Variants in SUGCT observed in about 807,000 individuals in gnomAD.
SUGCT encodes the protein succinyl-CoA:glutarate-CoA transferase.
Under a neutral mutation model 55.0 loss-of-function variants are expected in SUGCT, and 41 were observed. That is an observed-to-expected ratio of 0.74 (90% CI 0.58 to 0.97). The LOEUF is 0.97. Among genes scored for constraint, SUGCT ranks in the 50% least tolerant of loss-of-function variants. SUGCT has a pLI of 0.00. For synonymous variants in SUGCT, 187 were observed against 200.4 expected, an observed-to-expected ratio of 0.93 and a Z score of 0.56; for missense variants, 568 against 547.8, an observed-to-expected ratio of 1.04 and a Z score of -0.37.
chr7:40,267,041 A>AAAC (rs1203922320), intron 7 of SUGCT, among the ~76,000 whole-genome samples: 40 of 79,950 alleles, frequency 5.0e-4, no homozygotes, highest in East Asian at 1.5e-3. Flanking sequence ...AACAAACAAA[A>AAAC]AAAAAAAAGG....
At chr7:40,437,448 T>G (rs1055923424) in intron 9 of SUGCT, among the ~76,000 whole-genome samples, 1 of 152,232 alleles carries the variant, frequency 6.6e-6, no homozygotes, top group Non-Finnish European at 1.5e-5. Flanking sequence ...GGCTTATATT[T>G]AGCAATGAGC....
chr7:40,239,004 A>G (rs1047485171), intron 7 of SUGCT, among the ~76,000 whole-genome samples: 5 of 152,118 alleles, frequency 3.3e-5, no homozygotes, highest in African/African-American at 7.2e-5. Flanking sequence ...TATTTTTAGT[A>G]GAGACATGGT....
At chr7:40,493,213 T>C (rs1026321478) in intron 11 of SUGCT, among the ~76,000 whole-genome samples, 34 of 152,338 alleles carry the variant, frequency 2.2e-4, no homozygotes, top group African/African-American at 8.2e-4. Context: ...GCTGAATGAA[T>C]TTGAGCAAGT....
chr7:40,451,127 A>G (rs1210264453), intron 10 of SUGCT, among the ~76,000 whole-genome samples: 1 of 152,126 alleles, frequency 6.6e-6, no homozygotes, highest in African/African-American at 2.4e-5. Flanking sequence ...CTGTGAAGTC[A>G]TTTGCGTACT....
At chr7:40,661,432 A>C (rs1478005402) in intron 12 of SUGCT, among the ~76,000 whole-genome samples, 1 of 152,146 alleles carries the variant, frequency 6.6e-6, no homozygotes, top group Non-Finnish European at 1.5e-5. Context: ...AAATAAACAT[A>C]CTGTAATATA....
intron 6 of SUGCT, among the ~76,000 whole-genome samples, chr7:40,210,372 G>A (rs1459835669): frequency 6.6e-6 from 1 of 151,514 alleles, no homozygotes; most frequent in African/African-American, 2.4e-5. Flanking sequence ...CCATACCTTG[G>A]TTTTTGCCTG....
intron 12 of SUGCT, among the ~76,000 whole-genome samples, chr7:40,687,883 C>T (rs1051170975): frequency 2.0e-5 from 3 of 152,128 alleles, no homozygotes; most frequent in Non-Finnish European, 2.9e-5. Context: ...AGCAGAGAGG[C>T]GGTGGCTATA....
At chr7:40,918,276 C>G in the SUGCT span, among the ~76,000 whole-genome samples, 3 of 151,986 alleles carry the variant, frequency 2.0e-5, no homozygotes, top group Admixed American at 2.0e-4. Context: ...GCCTGACCAA[C>G]ATGGTGAAAC....
At chr7:40,531,895 C>T (rs893969302) in intron 12 of SUGCT, among the ~76,000 whole-genome samples, 3 of 152,122 alleles carry the variant, frequency 2.0e-5, no homozygotes, top group Non-Finnish European at 4.4e-5. Context: ...AGGATGATCT[C>T]GATCTCCTGA....
intron 6 of SUGCT, among the ~76,000 whole-genome samples, chr7:40,217,678 G>T (rs1787754059): frequency 6.6e-6 from 1 of 152,170 alleles, no homozygotes. Flanking sequence ...AAAAGTGGAT[G>T]GGACTGATGG....
intron 3 of SUGCT, among the ~76,000 whole-genome samples, chr7:40,183,154 T>G (rs1785313131): frequency 6.6e-6 from 1 of 152,102 alleles, no homozygotes; most frequent in African/African-American, 2.4e-5. Context: ...ACACCTGTGG[T>G]TCCAGCTACT....
chr7:40,490,129 T>C (rs1348600861), intron 11 of SUGCT, among the ~76,000 whole-genome samples: 1 of 152,176 alleles, frequency 6.6e-6, no homozygotes, highest in Non-Finnish European at 1.5e-5. Flanking sequence ...CTGGAATCAA[T>C]CTGAGGAAGA....
intron 13 of SUGCT, among the ~76,000 whole-genome samples, chr7:40,818,937 T>G (rs1791826938): frequency 8.7e-6 from 1 of 115,190 alleles, no homozygotes; most frequent in Admixed American, 1.2e-4. Flanking sequence ...GGCCCCAGTG[T>G]GTGATGTTCC....
chr7:40,201,052 C>T (rs1363396926), intron 6 of SUGCT, among the ~76,000 whole-genome samples: 2 of 151,980 alleles, frequency 1.3e-5, no homozygotes, highest in African/African-American at 2.4e-5. Context: ...GCATATTCAC[C>T]ACATAACTAT....
At chr7:40,586,991 C>G (rs1797414182) in intron 12 of SUGCT, among the ~76,000 whole-genome samples, 1 of 152,186 alleles carries the variant, frequency 6.6e-6, no homozygotes, top group African/African-American at 2.4e-5. Context: ...TATGTAACAA[C>G]ATGGATGAAT....
chr7:41,016,454 G>T, the SUGCT span, among the ~76,000 whole-genome samples: 1 of 152,098 alleles, frequency 6.6e-6, no homozygotes, highest in Non-Finnish European at 1.5e-5. Flanking sequence ...TGACTCTCTT[G>T]ATTTTAATTC....
chr7:40,445,407 A>C (rs542326020), intron 9 of SUGCT, among the ~76,000 whole-genome samples: 1 of 152,312 alleles, frequency 6.6e-6, no homozygotes, highest in African/African-American at 2.4e-5. Context: ...GTAGAAATGG[A>C]TAAATTCCTG....
chr7:40,339,758 C>T (rs565110333), intron 9 of SUGCT, among the ~76,000 whole-genome samples: 5 of 152,300 alleles, frequency 3.3e-5, no homozygotes, highest in Admixed American at 3.3e-4. Context: ...CTGTCCTGCA[C>T]TCACTGTCCA....
intron 12 of SUGCT, among the ~76,000 whole-genome samples, chr7:40,586,655 A>T (rs1325527484): frequency 6.6e-6 from 1 of 152,218 alleles, no homozygotes; most frequent in African/African-American, 2.4e-5. Flanking sequence ...GACAGTAGTA[A>T]TAATAACAGC....
Sources: gnomAD v4.1 joint callset for allele counts (sites outside exome capture counted in the v4.1 genomes callset) on GRCh38, gnomAD v4.1.1 for gene constraint, MANE v1.5 for transcripts, NCBI Gene and HGNC (gene_info 2026-07-23, HGNC 2026-07-21) for gene names.